Variants in BFAR observed in about 807,000 individuals in gnomAD.
BFAR encodes bifunctional apoptosis regulator, also known as RING finger protein 47.
In BFAR, 52 loss-of-function variants were observed where a neutral mutation model predicts 54.4. The ratio of observed to expected loss-of-function variants is 0.96; its 90% confidence interval spans 0.77 to 1.21. The LOEUF (loss-of-function observed/expected upper bound fraction) is 1.21. Among genes scored for constraint, BFAR ranks in the 50% most tolerant of loss-of-function variants. The pLI, the probability that BFAR is intolerant of heterozygous loss-of-function variation, is 0.00. For missense variants in BFAR, 571 were observed against 534.0 expected (o/e 1.07, Z -0.68); for synonymous variants, 215 against 204.3 (o/e 1.05, Z -0.45).
intron 5 of BFAR, among the ~76,000 whole-genome samples, chr16:14,661,392 CTTTTTTTTTT>C (rs774393097): frequency 4.6e-5 from 3 of 65,076 alleles, no homozygotes; most frequent in African/African-American, 1.1e-4. Context: ...GAGATTGGAT[CTTTTTTTTTT>C]TTTTTTTTTT....
At chr16:14,641,009 C>T (rs1203413897) in intron 1 of BFAR, among the ~76,000 whole-genome samples, 2 of 152,226 alleles carry the variant, frequency 1.3e-5, no homozygotes, top group Non-Finnish European at 2.9e-5. Flanking sequence ...CTGTCCTCTT[C>T]AGTTCTAAGG....
At position 14,649,982 on chromosome 16, in the gene BFAR, C is replaced by T. The variant is rs765392425; in HGVS notation, c.638+9C>T. 10 of 1,601,832 alleles carry T rather than the reference C, an allele frequency of 6.2e-6. No individual in the cohort carries two copies. In the East Asian group the frequency reaches 2.2e-4, roughly 36 times the overall value. On this transcript the variant is annotated intron_variant, in intron 4 of 7. Transcript: ENST00000261658. Reference sequence around the variant, plus strand: ...GAACGAGTAAATGGAAGGTGAGGAGCAAAGTCTTCTGACACACCGTGGACA... The same window carrying T: ...GAACGAGTAAATGGAAGGTGAGGAGTAAAGTCTTCTGACACACCGTGGACA...
chr16:14,634,119 CT>C (rs2151833220), intron 1 of BFAR, among the ~76,000 whole-genome samples: 1 of 152,326 alleles, frequency 6.6e-6, no homozygotes, highest in South Asian at 2.1e-4. Flanking sequence ...CCATTGGGTC[CT>C]CCCCGCCGAA....
At chr16:14,644,699 G>A (rs1267281531) in intron 2 of BFAR, 90 bp downstream of exon 2, 31 of 1,417,586 alleles carry the variant, frequency 2.2e-5, no homozygotes, top group Non-Finnish European at 2.4e-5. Flanking sequence ...CAGAGATGGC[G>A]TCTCGCTATG....
At chr16:14,642,666 G>A (rs975581388) in intron 1 of BFAR, among the ~76,000 whole-genome samples, 2 of 152,154 alleles carry the variant, frequency 1.3e-5, no homozygotes, top group African/African-American at 4.8e-5. Context: ...GCCTGGCACA[G>A]CTAGAAAATG....
chr16:14,650,050 C>CGGTG (rs1959924671), intron 4 of BFAR, 77 bp downstream of exon 4: 1 of 1,426,766 alleles, frequency 7.0e-7, no homozygotes, highest in East Asian at 2.5e-5. Context: ...AGGCCAGGCG[C>CGGTG]GGTGGCTCAC....
intron 5 of BFAR, 105 bp downstream of exon 5, chr16:14,655,315 CTTAT>C (rs1015945552): frequency 3.8e-5 from 35 of 916,746 alleles, no homozygotes; most frequent in East Asian, 1.0e-4. Flanking sequence ...AGTTTATGTA[CTTAT>C]TTATTTATTT....
Position 14,668,197 on chromosome 16 carries a change from A to G in BFAR, c.*370A>G, listed in dbSNP as rs187424216. The stretch of plus-strand genomic sequence containing the variant: ...ATCAGTCCCCTCCCCAACCTCAGTG[A>G]CTGACAGAGGATCCGGATCTCAGAG... On this transcript the variant is annotated 3_prime_UTR_variant, in exon 8 of 8. Coordinates refer to ENST00000261658, the MANE Select transcript of BFAR (RefSeq NM_016561.3). 9.2e-4 allele frequency: 208 copies of G among 226,900 alleles called. No individual in the cohort carries two copies. Among genetic ancestry groups the G allele is most frequent in the South Asian group, 1.8e-3 (13 of 7,264 alleles). 14.1% of individuals were successfully genotyped at this position (226,900 alleles called of 1,614,324 possible).
intron 1 of BFAR, among the ~76,000 whole-genome samples, chr16:14,638,015 A>G (rs190850795): frequency 3.9e-5 from 6 of 151,978 alleles, no homozygotes; most frequent in Non-Finnish European, 7.4e-5. Flanking sequence ...GTCAGTTAAT[A>G]TATAACGAGA....
rs541202207 is a variant in BFAR, at chr16:14,666,102, A to G, written c.1160+1031A>G. On this transcript the variant is annotated intron_variant, in intron 7 of 7. Coordinates refer to ENST00000261658, the MANE Select transcript of BFAR (RefSeq NM_016561.3). ...AGACTTTGATCTGTGCAGCTTAACA[A>G]ACCTCCAGAAAGAAAGCACTTCCTT... Among the ~76,000 whole-genome samples, 5 of 152,260 alleles carry G rather than the reference A, an allele frequency of 3.3e-5. No homozygotes were observed. The East Asian group carries it at 9.6e-4, about 29-fold the overall frequency.
chr16:14,655,128 G>A lies in BFAR; in HGVS notation c.701G>A (p.Ser234Asn), dbSNP rs921447635. The change falls in exon 5 of 8, where the codon AGC becomes AAC. Residue 234 changes from serine to asparagine, a missense_variant. Coordinates refer to ENST00000261658, the MANE Select transcript of BFAR (RefSeq NM_016561.3). ...ACGCCCTATACCATAGAAAACAGCA[G>A]CCACAGGAGAGCCATCCTCATGGAG... ...SKTPYTIENS[S>N]HRRAILMELE... is the part of the protein sequence containing the mutation. 2 of 1,612,142 alleles carry A rather than the reference G, an allele frequency of 1.2e-6. No homozygotes were observed. Among genetic ancestry groups the A allele is most frequent in the Non-Finnish European group, 1.7e-6 (2 of 1,179,282 alleles).
Position 14,649,865 on chromosome 16 carries a change from A to G in BFAR, c.530A>G (p.Lys177Arg). The G allele has an allele frequency of 1.2e-6, 2 of 1,613,342 alleles. No individual in the cohort carries two copies. Among genetic ancestry groups the G allele is most frequent in the Non-Finnish European group, 1.7e-6 (2 of 1,179,612 alleles). The change falls in exon 4 of 8, where the codon AAG (lysine) becomes AGG (arginine). Residue 177 changes from lysine to arginine, a missense_variant. Transcript: ENST00000261658. ...RESEHDLLVH[K>R]AVAKWTAEEV... ...TCTGAACACGACCTCCTGGTCCACA[A>G]GGCTGTGGCCAAATGGACGGCGGAA...
intron 1 of BFAR, among the ~76,000 whole-genome samples, chr16:14,634,228 G>C (rs908460206): frequency 1.3e-5 from 2 of 152,222 alleles, no homozygotes; most frequent in Non-Finnish European, 2.9e-5. Context: ...ACACACCCCC[G>C]AGCCGGCAGG....
At chr16:14,641,654 G>A (rs1371363245) in intron 1 of BFAR, among the ~76,000 whole-genome samples, 2 of 151,874 alleles carry the variant, frequency 1.3e-5, no homozygotes, top group Non-Finnish European at 2.9e-5. Context: ...CCGAGGTCAG[G>A]AGTTCAAGAC....
Position 14,668,880 on chromosome 16 carries a change from C to T in BFAR, c.*1053C>T, listed in dbSNP as rs1000206553. ...TCTGTAAAATAAATTCCGGGATAGT[C>T]GTTTTGTTCAAGGAAATGTTTTGTA... On this transcript the variant is annotated 3_prime_UTR_variant, in exon 8 of 8. Transcript: ENST00000261658. 11 of 165,486 alleles carry T rather than the reference C, an allele frequency of 6.6e-5. No individual in the cohort carries two copies. The highest frequency in any genetic ancestry group is 2.4e-4 in the African/African-American group (10 of 41,408). 10.3% of individuals were successfully genotyped at this position (165,486 alleles called of 1,614,324 possible). A position where few individuals can be genotyped will look rare whatever the true frequency, so the allele number is the denominator to read the frequency against.
intron 5 of BFAR, among the ~76,000 whole-genome samples, chr16:14,658,421 G>C (rs1281938178): frequency 6.6e-6 from 1 of 152,106 alleles, no homozygotes; most frequent in Non-Finnish European, 1.5e-5. Context: ...CTTCTGTCTT[G>C]AACATGATTG....
chr16:14,633,369 G>A (rs1455753322), intron 1 of BFAR: 1 of 152,500 alleles, frequency 6.6e-6, no homozygotes, highest in African/African-American at 2.4e-5. Flanking sequence ...CACCTTGGAG[G>A]GGAACCACGG....
chr16:14,660,787 G>A (rs1400058222), intron 5 of BFAR, among the ~76,000 whole-genome samples: 1 of 151,806 alleles, frequency 6.6e-6, no homozygotes, highest in Non-Finnish European at 1.5e-5. Context: ...TGTAATCCCA[G>A]CTACTTGGGA....
At position 14,644,606 on chromosome 16, in the gene BFAR, T is replaced by C. The variant is rs1349135505; in HGVS notation, c.260T>C (p.Leu87Pro). Residue 87 changes from leucine (L) to proline (P), a missense_variant, in exon 2 of 8, where the codon CTC (leucine) becomes CCC (proline). Leu to Pro is a moderately conservative substitution (Grantham distance 98). Transcript: ENST00000261658. ...WEGFPKVSIL[L>P]RDAIEKLFPD... Reference sequence around the variant, plus strand: ...GGTTTCCCCAAAGTCAGTATTCTCCTCAGGTAATGTTCAGCCTATATTGGT... The same window carrying C: ...GGTTTCCCCAAAGTCAGTATTCTCCCCAGGTAATGTTCAGCCTATATTGGT... 6.2e-7 allele frequency: 1 copy of C among 1,611,820 alleles called. No homozygotes were observed. The highest frequency in any genetic ancestry group is 8.5e-7 in the Non-Finnish European group (1 of 1,179,894).
Sources: gnomAD v4.1 joint callset for allele counts (sites outside exome capture counted in the v4.1 genomes callset) on GRCh38, gnomAD v4.1.1 for gene constraint, MANE v1.5 for transcripts, NCBI Gene and HGNC (gene_info 2026-07-23, HGNC 2026-07-21) for gene names.